NDN: variants seen among roughly 807,000 people sequenced by gnomAD.
NDN encodes necdin.
For synonymous variants in NDN, 245 were observed against 189.4 expected (o/e 1.29, Z -2.41); for missense variants, 465 against 440.4 (o/e 1.06, Z -0.50).
Position 23,686,373 on chromosome 15 carries a change from A to G in NDN, c.845T>C (p.Val282Ala). ...CCAGGCCTGGGGGTCTTTCTTAAAG[A>G]CCCTGGCCAGGAACTCCATGATTTG... ...KMQIMEFLARVFKKDPQAWPS... is the reference protein window; with the variant it reads ...KMQIMEFLARAFKKDPQAWPS... Residue 282 changes from valine (V) to alanine (A), a missense_variant, in exon 1 of 1, where the codon GTC becomes GCC. Coordinates refer to ENST00000649030, the MANE Select transcript of NDN (RefSeq NM_002487.3). 1 of 1,604,184 alleles carries G rather than the reference A, an allele frequency of 6.2e-7. No individual in the cohort carries two copies. The highest frequency in any genetic ancestry group is 8.5e-7 in the Non-Finnish European group (1 of 1,174,688).
In NDN at chr15:23,687,032, G is replaced by C. The variant is rs1891161978; in HGVS notation, c.186C>G (p.Asn62Lys). ...GCAGGGCCTTCGGGTCGCCCTCGTCGTTCGGGGCCTGGGGAGGCGGCGCGG... is the reference window on the plus strand; with the variant it reads ...GCAGGGCCTTCGGGTCGCCCTCGTCCTTCGGGGCCTGGGGAGGCGGCGCGG... ...PQAAPPPQAPNDEGDPKALQQ... is the reference protein window; with the variant it reads ...PQAAPPPQAPKDEGDPKALQQ... Residue 62 changes from asparagine (N) to lysine (K), a missense_variant, in exon 1 of 1, where the codon AAC becomes AAG. Coordinates refer to ENST00000649030, the MANE Select transcript of NDN (RefSeq NM_002487.3). 1 of 1,495,358 alleles carries C rather than the reference G, an allele frequency of 6.7e-7. No individual in the cohort carries two copies. Among genetic ancestry groups the C allele is most frequent in the Non-Finnish European group, 8.9e-7 (1 of 1,125,754 alleles). 92.6% of individuals were successfully genotyped at this position (1,495,358 alleles called of 1,614,324 possible).
rs1346561260 is a variant in NDN at position 23,685,840 on chromosome 15, G to A, written c.*412C>T. 1 of 154,030 alleles carries A rather than the reference G, an allele frequency of 6.5e-6. No individual in the cohort carries two copies. Among genetic ancestry groups the A allele is most frequent in the Non-Finnish European group, 1.4e-5 (1 of 69,528 alleles). 9.5% of individuals were successfully genotyped at this position (154,030 alleles called of 1,614,324 possible). ...TTCTGTGCCCAGCAAGGTCATGAAG[G>A]GCCTTGACTTTTCTTGGTTAGGCCG... On this transcript the variant is annotated 3_prime_UTR_variant, in exon 1 of 1. Transcript: ENST00000649030.
rs1891167006 is a variant in NDN at position 23,687,187 on chromosome 15, G to C, written c.31C>G (p.Pro11Ala). Residue 11 changes from proline (P) to alanine (A), a missense_variant, in exon 1 of 1, where the codon CCT becomes GCT. Pro to Ala is a conservative substitution (Grantham distance 27). Coordinates refer to ENST00000649030, the MANE Select transcript of NDN (RefSeq NM_002487.3). ...TTGGGGGCCTCGGCTGCAAAGTTAG[G>C]GTCGCTCAGATCCTTACTTTGTTCT... is the stretch of plus-strand genomic sequence containing the variant. MSEQSKDLSDPNFAAEAPNSE... is the reference protein window; with the variant it reads MSEQSKDLSDANFAAEAPNSE... 6.6e-7 allele frequency: 1 copy of C among 1,523,144 alleles called. No individual in the cohort carries two copies. The highest frequency in any genetic ancestry group is 1.3e-5 in the South Asian group (1 of 78,932). The allele number at this position is 1,523,144 out of a possible 1,614,324, so 94.4% of individuals were successfully genotyped here.
At position 23,687,045 on chromosome 15, in the gene NDN, G is replaced by C. The variant is rs763676370; in HGVS notation, c.173C>G (p.Pro58Arg). ...GTCGCCCTCGTCGTTCGGGGCCTGG[G>C]GAGGCGGCGCGGCCTGCGGAGCGGC... Reference protein sequence around the residue: ...PTAAPQAAPPPQAPNDEGDPK... With the variant: ...PTAAPQAAPPRQAPNDEGDPK... The change falls in exon 1 of 1, where the codon CCC becomes CGC. Residue 58 changes from proline (P) to arginine (R), a missense_variant. Pro to Arg is a moderately radical substitution (Grantham distance 103, BLOSUM62 -2). Coordinates refer to ENST00000649030, the MANE Select transcript of NDN (RefSeq NM_002487.3). 1.3e-6 allele frequency: 2 copies of C among 1,521,196 alleles called. No homozygotes were observed. Among genetic ancestry groups the C allele is most frequent in the East Asian group, 2.7e-5 (1 of 37,176 alleles). 94.2% of individuals were successfully genotyped at this position (1,521,196 alleles called of 1,614,324 possible).
In NDN at chr15:23,687,028, C is replaced by G; in HGVS notation, c.190G>C (p.Glu64Gln). The G allele has an allele frequency of 2.7e-6, 4 of 1,487,092 alleles. No homozygotes were observed. In the South Asian group the frequency reaches 3.9e-5, roughly 15 times the overall value. 92.1% of individuals were successfully genotyped at this position (1,487,092 alleles called of 1,614,324 possible). A position where few individuals can be genotyped will look rare whatever the true frequency, so the allele number is the denominator to read the frequency against. Residue 64 changes from glutamate to glutamine, a missense_variant, in exon 1 of 1, where the codon GAG becomes CAG. Physicochemically the swap from Glu to Gln is conservative, Grantham distance 29 (BLOSUM62 2). Coordinates refer to ENST00000649030, the MANE Select transcript of NDN (RefSeq NM_002487.3). Reference protein sequence around the residue: ...AAPPPQAPNDEGDPKALQQAA... With the variant: ...AAPPPQAPNDQGDPKALQQAA... The stretch of plus-strand genomic sequence containing the variant: ...TGCTGCAGGGCCTTCGGGTCGCCCT[C>G]GTCGTTCGGGGCCTGGGGAGGCGGC...
chr15:23,686,570 G>C lies in NDN; in HGVS notation c.648C>G (p.Ile216Met), dbSNP rs148944452. Residue 216 changes from isoleucine to methionine, a missense_variant, in exon 1 of 1, where the codon ATC becomes ATG. Coordinates refer to ENST00000649030, the MANE Select transcript of NDN (RefSeq NM_002487.3). The stretch of plus-strand genomic sequence containing the variant: ...GCTTCTTCCAGGGCCGCAGCCCCAG[G>C]ATGCGCAGCACGTTCCAGACGGCGC... Reference protein sequence around the residue: ...RESAVWNVLRILGLRPWKKHS... With the variant: ...RESAVWNVLRMLGLRPWKKHS... 165 of 1,613,204 alleles carry C rather than the reference G, an allele frequency of 1.0e-4. No individual in the cohort carries two copies. The highest frequency in any genetic ancestry group is 1.6e-4 in the Middle Eastern group (1 of 6,084).
chr15:23,687,221 T>G lies in NDN; in HGVS notation c.-4A>C. 6.9e-7 allele frequency: 1 copy of G among 1,442,954 alleles called. No individual in the cohort carries two copies. Among genetic ancestry groups the G allele is most frequent in the Non-Finnish European group, 9.1e-7 (1 of 1,096,470 alleles). The allele number at this position is 1,442,954 out of a possible 1,614,324, so 89.4% of individuals were successfully genotyped here. On this transcript the variant is annotated 5_prime_UTR_variant, in exon 1 of 1. Coordinates refer to ENST00000649030, the MANE Select transcript of NDN (RefSeq NM_002487.3). Reference sequence around the variant, plus strand: ...GATCCTTACTTTGTTCTGACATGTCTGCGCCGTCTGGCAAGGGCAGGGCCT... The same window carrying G: ...GATCCTTACTTTGTTCTGACATGTCGGCGCCGTCTGGCAAGGGCAGGGCCT...
Position 23,687,173 on chromosome 15 carries a change from G to C in NDN, c.45C>G (p.Ala15=), listed in dbSNP as rs1891166505. 6.5e-7 allele frequency: 1 copy of C among 1,533,466 alleles called. No individual in the cohort carries two copies. Among genetic ancestry groups the C allele is most frequent in the Non-Finnish European group, 8.7e-7 (1 of 1,144,652 alleles). The allele number at this position is 1,533,466 out of a possible 1,614,324, so 95.0% of individuals were successfully genotyped here. ...SKDLSDPNFA[A]EAPNSEVHSS... ...TGTGCACCTCGGAGTTGGGGGCCTC[G>C]GCTGCAAAGTTAGGGTCGCTCAGAT... Residue 15 remains alanine (A), a synonymous_variant, in exon 1 of 1, where the codon GCC becomes GCG. Transcript: ENST00000649030.
In NDN at chr15:23,686,455, G is replaced by A. The variant is rs770500531; in HGVS notation, c.763C>T (p.Pro255Ser). 27 of 1,610,714 alleles carry A rather than the reference G, an allele frequency of 1.7e-5. No individual in the cohort carries two copies. Among genetic ancestry groups the A allele is most frequent in the Non-Finnish European group, 2.3e-5 (27 of 1,177,866 alleles). The change falls in exon 1 of 1, where the codon CCG becomes TCG. Residue 255 changes from proline to serine, a missense_variant. Coordinates refer to ENST00000649030, the MANE Select transcript of NDN (RefSeq NM_002487.3). Reference protein sequence around the residue: ...LKYQRVPYVEPPEYEFFWGSR... With the variant: ...LKYQRVPYVESPEYEFFWGSR... ...CCCCAAAAGAACTCGTATTCGGGCG[G>A]CTCCACGTATGGGACGCGCTGGTAC...
Position 23,687,260 on chromosome 15 carries a change from C to G in NDN, c.-43G>C, listed in dbSNP as rs1891170440. The G allele has an allele frequency of 7.3e-7, 1 of 1,365,020 alleles. No individual in the cohort carries two copies. The highest frequency in any genetic ancestry group is 9.5e-7 in the Non-Finnish European group (1 of 1,052,324). The allele number at this position is 1,365,020 out of a possible 1,614,324, so 84.6% of individuals were successfully genotyped here. ...AGGGCAGGGCCTCTGCGTCCAGGAGCTCTTCGAGCCTGCGCTCCCTCCGCG... is the reference window on the plus strand; with the variant it reads ...AGGGCAGGGCCTCTGCGTCCAGGAGGTCTTCGAGCCTGCGCTCCCTCCGCG... On this transcript the variant is annotated 5_prime_UTR_variant, in exon 1 of 1. Transcript: ENST00000649030.
In NDN at chr15:23,685,439, C is replaced by T. The variant is rs1891129068; in HGVS notation, c.*813G>A. 1 of 152,096 alleles carries T rather than the reference C, an allele frequency of 6.6e-6. No homozygotes were observed. The highest frequency in any genetic ancestry group is 1.9e-4 in the East Asian group (1 of 5,200). 9.4% of individuals were successfully genotyped at this position (152,096 alleles called of 1,614,324 possible). A position where few individuals can be genotyped will look rare whatever the true frequency, so the allele number is the denominator to read the frequency against. ...TATTCCCATATGATGTGATTACAGA[C>T]AATCTTACTGTTTTGTTTTGTATAC... On this transcript the variant is annotated 3_prime_UTR_variant, in exon 1 of 1. Coordinates refer to ENST00000649030, the MANE Select transcript of NDN (RefSeq NM_002487.3).
rs1383628144 is a variant in NDN, at chr15:23,687,126, C to T, written c.92G>A (p.Gly31Glu). ...EVHSSPGVSEGVPPSATLAEP... is the reference protein window; with the variant it reads ...EVHSSPGVSEEVPPSATLAEP... ...TGCCAGGGTCGCGGACGGAGGAACC[C>T]CCTCCGAAACCCCAGGGCTGCTGTG... The change falls in exon 1 of 1, where the codon GGG becomes GAG. Residue 31 changes from glycine to glutamate, a missense_variant. Transcript: ENST00000649030. 5.1e-6 allele frequency: 8 copies of T among 1,579,730 alleles called. No individual in the cohort carries two copies. Among genetic ancestry groups the T allele is most frequent in the Non-Finnish European group, 6.9e-6 (8 of 1,165,308 alleles).
Position 23,685,459 on chromosome 15 carries a change from G to A in NDN, c.*793C>T, listed in dbSNP as rs755597645. 21 of 151,924 alleles carry A rather than the reference G, an allele frequency of 1.4e-4. No individual in the cohort carries two copies. The highest frequency in any genetic ancestry group is 5.2e-4 in the Admixed American group (8 of 15,260). The allele number at this position is 151,924 out of a possible 1,614,324, so 9.4% of individuals were successfully genotyped here. A position where few individuals can be genotyped will look rare whatever the true frequency, so the allele number is the denominator to read the frequency against. On this transcript the variant is annotated 3_prime_UTR_variant, in exon 1 of 1. Coordinates refer to ENST00000649030, the MANE Select transcript of NDN (RefSeq NM_002487.3). Reference sequence around the variant, plus strand: ...ACAGACAATCTTACTGTTTTGTTTTGTATACTTTTCTATATTTGTGAATGT... The same window carrying A: ...ACAGACAATCTTACTGTTTTGTTTTATATACTTTTCTATATTTGTGAATGT...
rs757634514 is a variant in NDN, at chr15:23,686,317, C to A, written c.901G>T (p.Ala301Ser). Residue 301 changes from alanine to serine, a missense_variant, in exon 1 of 1, where the codon GCC becomes TCC. Transcript: ENST00000649030. ...GGATTAGCCTCCCGCAGAGCTCTGGCCTCCTCCAGAGCTTCTCTGTATCGG... is the reference window on the plus strand; with the variant it reads ...GGATTAGCCTCCCGCAGAGCTCTGGACTCCTCCAGAGCTTCTCTGTATCGG... ...PSRYREALEEARALREANPTA... is the reference protein window; with the variant it reads ...PSRYREALEESRALREANPTA... 1 of 1,535,078 alleles carries A rather than the reference C, an allele frequency of 6.5e-7. No homozygotes were observed. Among genetic ancestry groups the A allele is most frequent in the South Asian group, 1.3e-5 (1 of 77,974 alleles).
Position 23,686,595 on chromosome 15 carries a change from C to T in NDN, c.623G>A (p.Ser208Asn), listed in dbSNP as rs367977212. Residue 208 changes from serine to asparagine, a missense_variant, in exon 1 of 1, where the codon AGC (serine) becomes AAC (asparagine). Ser to Asn is a conservative substitution (Grantham distance 46). Transcript: ENST00000649030. The part of the protein sequence containing the change: ...IYVKGRGARE[S>N]AVWNVLRILG... The stretch of plus-strand genomic sequence containing the variant: ...GATGCGCAGCACGTTCCAGACGGCG[C>T]TCTCTCTGGCGCCGCGGCCCTTCAC... 5 of 1,613,134 alleles carry T rather than the reference C, an allele frequency of 3.1e-6. No individual in the cohort carries two copies. In the Admixed American group the frequency reaches 5.0e-5, roughly 16 times the overall value.
Position 23,686,373 on chromosome 15 carries a change from A to T in NDN, c.845T>A (p.Val282Asp). The change falls in exon 1 of 1, where the codon GTC becomes GAC. Residue 282 changes from valine to aspartate, a missense_variant. Coordinates refer to ENST00000649030, the MANE Select transcript of NDN (RefSeq NM_002487.3). ...CCAGGCCTGGGGGTCTTTCTTAAAG[A>T]CCCTGGCCAGGAACTCCATGATTTG... ...KMQIMEFLAR[V>D]FKKDPQAWPS... 6.2e-7 allele frequency: 1 copy of T among 1,604,184 alleles called. No homozygotes were observed. The highest frequency in any genetic ancestry group is 8.5e-7 in the Non-Finnish European group (1 of 1,174,688).
rs751770827 is a variant in NDN, at chr15:23,687,154, C to T, written c.64G>A (p.Val22Met). 1 of 1,550,754 alleles carries T rather than the reference C, an allele frequency of 6.4e-7. No homozygotes were observed. Among genetic ancestry groups the T allele is most frequent in the Admixed American group, 2.0e-5 (1 of 49,680 alleles). ...TCCGAAACCCCAGGGCTGCTGTGCA[C>T]CTCGGAGTTGGGGGCCTCGGCTGCA... Reference protein sequence around the residue: ...NFAAEAPNSEVHSSPGVSEGV... With the variant: ...NFAAEAPNSEMHSSPGVSEGV... Residue 22 changes from valine to methionine, a missense_variant, in exon 1 of 1, where the codon GTG (valine) becomes ATG (methionine). Coordinates refer to ENST00000649030, the MANE Select transcript of NDN (RefSeq NM_002487.3).
At position 23,686,964 on chromosome 15, in the gene NDN, G is replaced by T; in HGVS notation, c.254C>A (p.Ala85Glu). The T allele has an allele frequency of 4.4e-6, 7 of 1,576,568 alleles. No individual in the cohort carries two copies. Among genetic ancestry groups the T allele is most frequent in the Non-Finnish European group, 6.0e-6 (7 of 1,162,570 alleles). ...EEGRAHQAPS[A>E]AQPGPAPPAP... ...TGGCGGTGCCGGGCCCGGCTGGGCC[G>T]CGCTCGGGGCCTGGTGGGCGCGGCC... Residue 85 changes from alanine (A) to glutamate (E), a missense_variant, in exon 1 of 1, where the codon GCG (alanine) becomes GAG (glutamate). Transcript: ENST00000649030.
Position 23,687,070 on chromosome 15 carries a change from C to A in NDN, c.148G>T (p.Ala50Ser). The change falls in exon 1 of 1, where the codon GCC becomes TCC. Residue 50 changes from alanine to serine, a missense_variant. Physicochemically the swap from Ala to Ser is moderately conservative, Grantham distance 99 (BLOSUM62 1). Transcript: ENST00000649030. ...GGAGGCGGCGCGGCCTGCGGAGCGG[C>A]CGTCGGGCCTAGAGGAGGGCTCTGC... ...EPQSPPLGPTAAPQAAPPPQA... is the reference protein window; with the variant it reads ...EPQSPPLGPTSAPQAAPPPQA... 6.4e-7 allele frequency: 1 copy of A among 1,555,050 alleles called. No homozygotes were observed.
Sources: gnomAD v4.1 joint callset for allele counts on GRCh38, gnomAD v4.1.1 for gene constraint, MANE v1.5 for transcripts, NCBI Gene and HGNC (gene_info 2026-07-23, HGNC 2026-07-21) for gene names.